Variants in BLTP1 observed in about 807,000 individuals in gnomAD.
The protein encoded by BLTP1 is bridge-like lipid transfer protein family member 1, also known as fragile site-associated protein.
chr4:122,250,532 C>T, the BLTP1 span: 1 of 1,613,606 alleles, frequency 6.2e-7, no homozygotes, highest in Non-Finnish European at 8.5e-7. Context: ...CCGGACAAGC[C>T]CTTCCTCAGA....
chr4:122,154,789 A>G, the BLTP1 span: 10,078 of 174,854 alleles, frequency 0.058, 903 homozygotes, highest in African/African-American at 0.21. Context: ...GGAGAATGGC[A>G]TGAACCCAGG....
the BLTP1 span, chr4:122,349,302 T>G: frequency 2.5e-6 from 4 of 1,612,246 alleles, no homozygotes; most frequent in Non-Finnish European, 3.4e-6. The surrounding 1 kb of genome is among the most constrained non-coding windows in gnomAD (Gnocchi z 4.5). Flanking sequence ...ATGTCAATGC[T>G]TTGGAGATGG....
the BLTP1 span, chr4:122,243,720 G>GAAA: frequency 4.2e-6 from 4 of 944,854 alleles, no homozygotes; most frequent in South Asian, 6.6e-5. Context: ...CTATCTCAAA[G>GAAA]AAAAAAAAAA....
the BLTP1 span, chr4:122,244,816 T>G: frequency 2.6e-6 from 1 of 377,784 alleles, no homozygotes; most frequent in African/African-American, 2.2e-5. Context: ...CACTTCATCT[T>G]GGGGTGAAGG....
chr4:122,323,835 C>T, the BLTP1 span, among the ~76,000 whole-genome samples: 1 of 152,130 alleles, frequency 6.6e-6, no homozygotes, highest in African/African-American at 2.4e-5. Context: ...AAAACATCTG[C>T]ATTCTTAACA....
the BLTP1 span, among the ~76,000 whole-genome samples, chr4:122,218,963 T>C: frequency 6.6e-5 from 10 of 152,316 alleles, no homozygotes; most frequent in East Asian, 1.2e-3. Flanking sequence ...AGTGAATTGC[T>C]TCCCCCAAAG....
At chr4:122,337,806 A>G in the BLTP1 span, among the ~76,000 whole-genome samples, 36 of 149,688 alleles carry the variant, frequency 2.4e-4, no homozygotes, top group African/African-American at 8.5e-4. Context: ...TCCTACCAAT[A>G]GGCCTTTGGG....
At chr4:122,200,264 G>A in the BLTP1 span, 1 of 985,216 alleles carries the variant, frequency 1.0e-6, no homozygotes, top group Non-Finnish European at 1.2e-6. Context: ...TCCTAGGTAG[G>A]CAGCTTTTCC....
At chr4:122,242,960 T>C in the BLTP1 span, 1 of 1,220,500 alleles carries the variant, frequency 8.2e-7, no homozygotes, top group African/African-American at 1.5e-5. Context: ...ATTAGGGAAA[T>C]ATATTAAAAA....
chr4:122,347,536 A>ACACCTGATTCAAT, the BLTP1 span: 1 of 1,612,998 alleles, frequency 6.2e-7, no homozygotes, highest in East Asian at 2.2e-5. Context: ...TGGCCCAGGG[A>ACACCTGATTCAAT]CACCTGATTC....
chr4:122,273,964 C>G, the BLTP1 span, among the ~76,000 whole-genome samples: 1 of 151,714 alleles, frequency 6.6e-6, no homozygotes, highest in Admixed American at 6.6e-5. Context: ...TTATATGGAC[C>G]AAGAGTGCTG....
the BLTP1 span, among the ~76,000 whole-genome samples, chr4:122,310,384 A>G: frequency 6.6e-6 from 1 of 152,138 alleles, no homozygotes; most frequent in South Asian, 2.1e-4. Context: ...AATTAATGAG[A>G]GAAAAGCATA....
chr4:122,244,507 T>C, the BLTP1 span: 111 of 279,232 alleles, frequency 4.0e-4, no homozygotes, highest in Non-Finnish European at 5.5e-4. Context: ...TCAAATTAAT[T>C]ATTATATTGC....
the BLTP1 span, chr4:122,243,058 T>C: frequency 6.2e-7 from 1 of 1,612,654 alleles, no homozygotes; most frequent in Non-Finnish European, 8.5e-7. Context: ...ACTTTCAGGA[T>C]CAACTTCAAA....
the BLTP1 span, among the ~76,000 whole-genome samples, chr4:122,218,340 C>G: frequency 2.6e-5 from 4 of 152,080 alleles, no homozygotes; most frequent in African/African-American, 9.7e-5. Flanking sequence ...ATTAAGATTT[C>G]AAGCAGGTTT....
chr4:122,162,719 G>A, the BLTP1 span: 1 of 909,016 alleles, frequency 1.1e-6, no homozygotes, highest in African/African-American at 1.9e-5. Flanking sequence ...AGGTAATGGG[G>A]TTATAACAAC....
At chr4:122,327,448 C>T in the BLTP1 span, among the ~76,000 whole-genome samples, 87 of 151,362 alleles carry the variant, frequency 5.7e-4, 2 homozygotes, top group Non-Finnish European at 1.1e-3. Context: ...TTTTATTTTT[C>T]CCCCAATATT....
chr4:122,315,466 C>G, the BLTP1 span: 1 of 1,613,820 alleles, frequency 6.2e-7, no homozygotes, highest in Non-Finnish European at 8.5e-7. Context: ...AAACAGAAAG[C>G]AGTAGTGCTG....
At chr4:122,234,727 T>C in the BLTP1 span, 1 of 1,526,506 alleles carries the variant, frequency 6.6e-7, no homozygotes, top group Non-Finnish European at 8.8e-7. Context: ...TTCTTAATGA[T>C]TTTTTTTATG....
Sources: gnomAD v4.1 joint callset for allele counts (sites outside exome capture counted in the v4.1 genomes callset) on GRCh38, gnomAD v4.1.1 for gene constraint, Gnocchi (gnomAD v3.1) non-coding constraint, MANE v1.5 for transcripts, NCBI Gene and HGNC (gene_info 2026-07-23, HGNC 2026-07-21) for gene names.